The following DCC variants were observed in gnomAD, a reference collection of about 807,000 sequenced individuals.
DCC encodes DCC netrin 1 receptor.
In DCC, 58 loss-of-function variants were observed where a neutral mutation model predicts 172.5. The ratio of observed to expected loss-of-function variants is 0.34; its 90% confidence interval spans 0.27 to 0.42. The LOEUF is 0.42. Among genes scored for constraint, DCC ranks in the 10% least tolerant of loss-of-function variants. DCC has a pLI of 1.00. For synonymous variants in DCC, 709 were observed against 644.5 expected (o/e 1.10, Z -1.52); for missense variants, 1,740 against 1,791.0 (o/e 0.97, Z 0.51).
At chr18:53,209,221 CA>C (rs2055707735) in intron 11 of DCC, among the ~76,000 whole-genome samples, 1 of 152,004 alleles carries the variant, frequency 6.6e-6, no homozygotes, top group African/African-American at 2.4e-5. Context: ...AAATAATGGC[CA>C]GGGGAAACTA....
At chr18:53,320,033 G>A (rs933040936) in intron 13 of DCC, among the ~76,000 whole-genome samples, 1 of 148,234 alleles carries the variant, frequency 6.7e-6, no homozygotes, top group Non-Finnish European at 1.5e-5. Flanking sequence ...TCATTTTAAA[G>A]AAAAATGAAG....
At chr18:52,439,476 C>T (rs895801114) in intron 1 of DCC, among the ~76,000 whole-genome samples, 1 of 152,042 alleles carries the variant, frequency 6.6e-6, no homozygotes, top group Non-Finnish European at 1.5e-5. Context: ...CATTGCTGAC[C>T]TTGCCTCTGT....
At chr18:52,778,769 TTC>T (rs2037479493) in intron 2 of DCC, among the ~76,000 whole-genome samples, 1 of 152,186 alleles carries the variant, frequency 6.6e-6, no homozygotes, top group Non-Finnish European at 1.5e-5. Context: ...TGTCAAGATA[TTC>T]TGTTTTATTA....
In DCC at chr18:52,698,625, C is replaced by T. The variant is rs550918948; in HGVS notation, c.92-53429C>T. Among the ~76,000 whole-genome samples the T allele has an allele frequency of 5.3e-5, 8 of 152,046 alleles. No homozygotes were observed. In the East Asian group the frequency reaches 7.8e-4, roughly 15 times the overall value. Reference sequence around the variant, plus strand: ...CTTTTTTTTTTGAGATGGAGTCTCACTCTGTCACTCAGGCTGGAGTGCAAT... The same window carrying T: ...CTTTTTTTTTTGAGATGGAGTCTCATTCTGTCACTCAGGCTGGAGTGCAAT... On this transcript the variant is annotated intron_variant, in intron 1 of 28. Coordinates refer to ENST00000442544, the MANE Select transcript of DCC (RefSeq NM_005215.4).
intron 1 of DCC, among the ~76,000 whole-genome samples, chr18:52,387,382 T>G (rs1222180508): frequency 6.6e-6 from 1 of 152,098 alleles, no homozygotes; most frequent in African/African-American, 2.4e-5. Flanking sequence ...CGAGTCTGGA[T>G]GATGACATTT....
At chr18:52,850,460 G>GA (rs1488630989) in intron 2 of DCC, among the ~76,000 whole-genome samples, 1 of 152,154 alleles carries the variant, frequency 6.6e-6, no homozygotes, top group East Asian at 1.9e-4. Flanking sequence ...GTCATAGAGG[G>GA]AAAAATCCAT....
At chr18:52,635,937 A>G (rs1197863722) in intron 1 of DCC, among the ~76,000 whole-genome samples, 1 of 152,212 alleles carries the variant, frequency 6.6e-6, no homozygotes, top group Admixed American at 6.5e-5. Flanking sequence ...AGAGCAAACT[A>G]ACAATCCCAA....
chr18:52,706,199 A>G (rs745877882), intron 1 of DCC, among the ~76,000 whole-genome samples: 6 of 152,226 alleles, frequency 3.9e-5, no homozygotes, highest in Non-Finnish European at 8.8e-5. Context: ...CTATTAAAAA[A>G]AAGAACTCAT....
chr18:53,091,142 T>C (rs576162352), intron 7 of DCC, among the ~76,000 whole-genome samples: 166 of 152,084 alleles, frequency 1.1e-3, no homozygotes, highest in Admixed American at 2.0e-3. Flanking sequence ...AGAGAATACA[T>C]GGTAAGCTGA....
intron 1 of DCC, among the ~76,000 whole-genome samples, chr18:52,353,838 A>T (rs1984240248): frequency 6.6e-6 from 1 of 152,168 alleles, no homozygotes; most frequent in Admixed American, 6.6e-5. Flanking sequence ...CATGAACTGT[A>T]GGCCCTTCTC....
rs1309067516 is a variant in DCC at position 52,771,893 on chromosome 18, G to GAA, written c.412+19521_412+19522dup. 2.5e-3 allele frequency among the ~76,000 whole-genome samples: 346 copies of GAA among 138,502 alleles called. 1 individual carries two copies. The highest frequency in any genetic ancestry group is 7.7e-3 in the Middle Eastern group (2 of 260). The allele number at this position is 138,502 out of a possible 152,430, so 90.9% of individuals were successfully genotyped here. A position where few individuals can be genotyped will look rare whatever the true frequency, so the allele number is the denominator to read the frequency against. On this transcript the variant is annotated intron_variant, in intron 2 of 28. Transcript: ENST00000442544. ...TGTGAAAAAAAAAAAAAAAGAAAAA[G>GAA]AAAGAACAAGGCCCAGGTGTTCTAT...
intron 3 of DCC, 27 bp downstream of exon 3, chr18:52,906,355 A>G (rs1568179242): frequency 6.2e-7 from 1 of 1,610,938 alleles, no homozygotes; most frequent in South Asian, 1.1e-5. Context: ...TGTTGCCTTC[A>G]GAATGATATT....
chr18:53,492,015 G>A (rs111465564), intron 26 of DCC, among the ~76,000 whole-genome samples: 7,958 of 152,190 alleles, frequency 0.052, 702 homozygotes, highest in African/African-American at 0.18. Context: ...TAACTGGCCT[G>A]AGATGGTATC....
chr18:53,351,702 A>G (rs1434886363), intron 15 of DCC, among the ~76,000 whole-genome samples: 9 of 151,364 alleles, frequency 5.9e-5, no homozygotes, highest in Non-Finnish European at 3.0e-5. Context: ...CAAAGAATAA[A>G]AATAATTTTC....
At chr18:53,089,633 G>A (rs2042974467) in intron 7 of DCC, among the ~76,000 whole-genome samples, 2 of 151,530 alleles carry the variant, frequency 1.3e-5, no homozygotes, top group South Asian at 4.2e-4. Context: ...CTTCTTTATG[G>A]GCACCTAAAA....
chr18:53,248,929 C>A (rs1204580326), intron 12 of DCC, among the ~76,000 whole-genome samples: 1 of 151,970 alleles, frequency 6.6e-6, no homozygotes, highest in Non-Finnish European at 1.5e-5. Context: ...TTTTGTTTGG[C>A]ATTTAAGAAC....
intron 2 of DCC, among the ~76,000 whole-genome samples, chr18:52,845,893 G>A (rs549979769): frequency 2.6e-5 from 4 of 151,888 alleles, no homozygotes; most frequent in African/African-American, 9.6e-5. Flanking sequence ...CTGGGGGAAA[G>A]TCCCTCCTTA....
At chr18:53,219,949 G>T (rs1158474392) in intron 12 of DCC, among the ~76,000 whole-genome samples, 2 of 152,090 alleles carry the variant, frequency 1.3e-5, no homozygotes, top group Non-Finnish European at 2.9e-5. Context: ...TGGGATAACT[G>T]CAGAAGGACA....
intron 15 of DCC, among the ~76,000 whole-genome samples, chr18:53,353,401 G>T (rs972451119): frequency 9.9e-6 from 1 of 101,170 alleles, no homozygotes; most frequent in Non-Finnish European, 2.0e-5. Context: ...TAAAACCTGA[G>T]CTAAGACAAA....
Sources: gnomAD v4.1 joint callset for allele counts (sites outside exome capture counted in the v4.1 genomes callset) on GRCh38, gnomAD v4.1.1 for gene constraint, MANE v1.5 for transcripts, NCBI Gene and HGNC (gene_info 2026-07-23, HGNC 2026-07-21) for gene names.